LRRK1: variants seen among roughly 807,000 people sequenced by gnomAD.
The protein encoded by LRRK1 is leucine-rich repeat serine/threonine-protein kinase 1.
LRRK1 carries 113 observed loss-of-function variants against 209.1 expected under a neutral mutation model. That is an observed-to-expected ratio of 0.54 (90% CI 0.46 to 0.63). The LOEUF (loss-of-function observed/expected upper bound fraction) is 0.63, where lower values mean the gene tolerates loss of function less well. LRRK1 is among the 30% of genes least tolerant of loss of function. LRRK1 has a pLI of 0.00. For missense variants in LRRK1, 2,284 were observed against 2,632.2 expected, an observed-to-expected ratio of 0.87 and a Z score of 2.89; for synonymous variants, 1,144 against 1,099.7, an observed-to-expected ratio of 1.04 and a Z score of -0.80.
At chr15:100,963,883 A>G (rs1411863439) in intron 2 of LRRK1, among the ~76,000 whole-genome samples, 1 of 152,206 alleles carries the variant, frequency 6.6e-6, no homozygotes, top group African/African-American at 2.4e-5. Flanking sequence ...GGTGGACATA[A>G]CATAGCATCT....
At chr15:101,005,846 C>T (rs931054346) in intron 6 of LRRK1, among the ~76,000 whole-genome samples, 1 of 152,128 alleles carries the variant, frequency 6.6e-6, no homozygotes, top group African/African-American at 2.4e-5. Context: ...GATACTTAAA[C>T]AGGTGAGGAG....
At chr15:100,923,701 C>A (rs1251025729) in intron 1 of LRRK1, among the ~76,000 whole-genome samples, 1 of 152,204 alleles carries the variant, frequency 6.6e-6, no homozygotes, top group East Asian at 1.9e-4. Flanking sequence ...TTATCATAGT[C>A]ATTAGTTTCA....
intron 2 of LRRK1, among the ~76,000 whole-genome samples, chr15:100,936,180 T>G (rs1269003297): frequency 1.3e-5 from 2 of 152,186 alleles, no homozygotes; most frequent in Admixed American, 6.5e-5. Flanking sequence ...TAACCAACAT[T>G]CGTTATTTTG....
At chr15:100,921,557 T>C (rs2042022536) in intron 1 of LRRK1, among the ~76,000 whole-genome samples, 1 of 146,290 alleles carries the variant, frequency 6.8e-6, no homozygotes, top group Non-Finnish European at 1.5e-5. Flanking sequence ...CTAACTGATA[T>C]CGACAGTCCT....
chr15:100,933,120 C>T (rs142122900), intron 2 of LRRK1, among the ~76,000 whole-genome samples: 2 of 152,338 alleles, frequency 1.3e-5, no homozygotes, highest in African/African-American at 4.8e-5. Flanking sequence ...ACTCTGTGTT[C>T]CTGAGGGCAT....
intron 12 of LRRK1, among the ~76,000 whole-genome samples, chr15:101,018,918 A>T (rs994699263): frequency 1.3e-5 from 2 of 152,218 alleles, no homozygotes; most frequent in Non-Finnish European, 2.9e-5. Context: ...TCTACAAAAG[A>T]CAGCTTGTTT....
At position 100,988,746 on chromosome 15, in the gene LRRK1, C is replaced by G. The variant is rs773030697; in HGVS notation, c.546C>G (p.Ser182Arg). ...TGACGCACGGGGCTGACCCGGAGAGCTACGCTGTCAGGAAGAATGAGTTCC... is the reference window on the plus strand; with the variant it reads ...TGACGCACGGGGCTGACCCGGAGAGGTACGCTGTCAGGAAGAATGAGTTCC... ...LVLTHGADPE[S>R]YAVRKNEFPV... Residue 182 changes from serine (S) to arginine (R), a missense_variant, in exon 5 of 34, where the codon AGC becomes AGG. Around this residue, in one of 6 missense-constraint regions of LRRK1, gnomAD observed 134 missense variants for 191.7 expected, o/e 0.70. Transcript: ENST00000388948. 2.5e-6 allele frequency: 4 copies of G among 1,613,988 alleles called. No individual in the cohort carries two copies. In the South Asian group the frequency reaches 4.4e-5, roughly 18 times the overall value.
In LRRK1 at chr15:100,999,304, T is replaced by A. The variant is rs188576034; in HGVS notation, c.763-9533T>A. 3.0e-4 allele frequency among the ~76,000 whole-genome samples: 46 copies of A among 152,352 alleles called. No individual in the cohort carries two copies. The East Asian group carries it at 8.7e-3, about 29-fold the overall frequency. On this transcript the variant is annotated intron_variant, in intron 6 of 33. Transcript: ENST00000388948. ...TTTAAAAACCTCTCTACCTGTTTTTTAAGAATTTTAGCAAAGAAAAAGTGA... is the reference window on the plus strand; with the variant it reads ...TTTAAAAACCTCTCTACCTGTTTTTAAAGAATTTTAGCAAAGAAAAAGTGA...
Position 101,049,698 on chromosome 15 carries a change from T to A in LRRK1, c.3354T>A (p.Ile1118=), listed in dbSNP as rs41425846. ...WKKKKSGGMK[I]VCQSEVRDFS... ...AGAAGAAAAGCGGAGGAATGAAAAT[T>A]GTTTGCCAATCAGAAGTGAGGGACT... Residue 1118 remains isoleucine (I), a synonymous_variant, in exon 23 of 34, where the codon ATT becomes ATA. Coordinates refer to ENST00000388948, the MANE Select transcript of LRRK1 (RefSeq NM_024652.6). 1.7e-5 allele frequency: 28 copies of A among 1,613,902 alleles called. No homozygotes were observed. In the East Asian group the frequency reaches 6.2e-4, roughly 36 times the overall value.
chr15:101,023,627 G>A (rs892190110), intron 15 of LRRK1, among the ~76,000 whole-genome samples: 1 of 152,230 alleles, frequency 6.6e-6, no homozygotes, highest in African/African-American at 2.4e-5. Context: ...GAGGAGGCTT[G>A]AGATCCAGAT....
In LRRK1 at chr15:100,941,332, GTC is replaced by G. The variant is rs1311975229; in HGVS notation, c.97+16607_97+16608del. Among the ~76,000 whole-genome samples the G allele has an allele frequency of 1.9e-4, 25 of 133,046 alleles. 2 individuals are homozygous for G. Among genetic ancestry groups the G allele is most frequent in the African/African-American group, 7.4e-4 (24 of 32,310 alleles). 87.3% of individuals were successfully genotyped at this position (133,046 alleles called of 152,430 possible). A position where few individuals can be genotyped will look rare whatever the true frequency, so the allele number is the denominator to read the frequency against. On this transcript the variant is annotated intron_variant, in intron 2 of 33. Coordinates refer to ENST00000388948, the MANE Select transcript of LRRK1 (RefSeq NM_024652.6). ...TGTGTGTCTGTGTGTGTGTGTCTGT[GTC>G]TCTGTGTGTGTCTTTGTGTGTGTGT...
At chr15:101,005,561 G>A (rs980326356) in intron 6 of LRRK1, among the ~76,000 whole-genome samples, 15 of 152,328 alleles carry the variant, frequency 9.8e-5, no homozygotes, top group Admixed American at 3.9e-4. Flanking sequence ...ACACCCCAGC[G>A]GTGATGAGCA....
intron 10 of LRRK1, among the ~76,000 whole-genome samples, 160 bp downstream of exon 10, chr15:101,012,305 A>G (rs1232167234): frequency 6.6e-6 from 1 of 152,240 alleles, no homozygotes; most frequent in Non-Finnish European, 1.5e-5. Context: ...GGCCACGAAC[A>G]GCGATGAGGG....
chr15:100,996,542 C>G (rs561935253), intron 6 of LRRK1, among the ~76,000 whole-genome samples: 31 of 152,326 alleles, frequency 2.0e-4, no homozygotes, highest in Admixed American at 1.1e-3. Context: ...GTCCATTGTC[C>G]CACACATGCC....
Position 101,076,689 on chromosome 15 carries a change from C to T in LRRK1, c.*7841C>T, listed in dbSNP as rs1423780604. On this transcript the variant is annotated 3_prime_UTR_variant, in exon 34 of 34. Coordinates refer to ENST00000388948, the MANE Select transcript of LRRK1 (RefSeq NM_024652.6). ...GTGTTCCATCTGCTATTCTACTGCT[C>T]CTCAGGGATTATTCAGGCCCCCTCC... 24 of 152,190 alleles carry T rather than the reference C, an allele frequency of 1.6e-4. No homozygotes were observed. The highest frequency in any genetic ancestry group is 4.1e-4 in the South Asian group (2 of 4,826). The allele number at this position is 152,190 out of a possible 1,614,324, so 9.4% of individuals were successfully genotyped here.
rs11403379 is a variant in LRRK1 at position 101,071,376 on chromosome 15, GTTTT to G, written c.*2533_*2536del. On this transcript the variant is annotated 3_prime_UTR_variant, in exon 34 of 34. Transcript: ENST00000388948. ...CGGAGACACAGTCAAGAATCTCTGT[GTTTT>G]TTTTGTTTTGTTTTGTTTTTGTTTT... The G allele has an allele frequency of 6.6e-6, 1 of 151,816 alleles. No homozygotes were observed. Among genetic ancestry groups the G allele is most frequent in the Non-Finnish European group, 1.5e-5 (1 of 68,026 alleles). The allele number at this position is 151,816 out of a possible 1,614,324, so 9.4% of individuals were successfully genotyped here. A position where few individuals can be genotyped will look rare whatever the true frequency, so the allele number is the denominator to read the frequency against.
intron 2 of LRRK1, among the ~76,000 whole-genome samples, chr15:100,961,649 C>CA (rs10560323): frequency 0.21 from 30,256 of 142,296 alleles, 3,455 homozygotes; most frequent in East Asian, 0.49. Context: ...GAGACTCCGT[C>CA]AAAAAAAAAA....
At chr15:101,055,279 C>T in intron 27 of LRRK1, 56 bp downstream of exon 27, 2 of 1,473,992 alleles carry the variant, frequency 1.4e-6, no homozygotes, top group South Asian at 2.9e-5. Context: ...AGCCCTCAGG[C>T]TAGCCGGGCA....
chr15:100,995,852 G>A (rs943245199), intron 6 of LRRK1, among the ~76,000 whole-genome samples: 3 of 152,194 alleles, frequency 2.0e-5, no homozygotes, highest in African/African-American at 7.2e-5. Context: ...CCTTTTAAAA[G>A]TCTCTAATGA....
Sources: gnomAD v4.1 joint callset for allele counts (sites outside exome capture counted in the v4.1 genomes callset) on GRCh38, gnomAD v4.1.1 for gene constraint, gnomAD v4.1.1 regional missense constraint, MANE v1.5 for transcripts, NCBI Gene and HGNC (gene_info 2026-07-23, HGNC 2026-07-21) for gene names.